The following PSEN1 variants were observed in gnomAD, a reference collection of about 807,000 sequenced individuals.
PSEN1 encodes the protein presenilin 1.
In PSEN1, 15 loss-of-function variants were observed where a neutral mutation model predicts 53.5. That is an observed-to-expected ratio of 0.28 (90% confidence interval 0.19 to 0.43). PSEN1 has a LOEUF of 0.43. Ranked by LOEUF, PSEN1 falls within the 20% of genes least tolerant of loss-of-function variation. PSEN1 has a pLI of 1.00. For synonymous variants in PSEN1, 208 were observed against 209.8 expected, an observed-to-expected ratio of 0.99 and a Z score of 0.08; for missense variants, 387 against 571.2, an observed-to-expected ratio of 0.68 and a Z score of 3.29.
chr14:73,197,859 C>T (rs1750575150), intron 7 of PSEN1, 172 bp from the exon 8 acceptor site: 1 of 604,776 alleles, frequency 1.7e-6, no homozygotes, highest in Non-Finnish European at 2.9e-6. Flanking sequence ...TGTTGTCTCC[C>T]CCACCCCCAC....
chr14:73,155,511 ATTT>A lies in PSEN1; in HGVS notation c.87+7413_87+7415del, dbSNP rs937014673. Among the ~76,000 whole-genome samples the A allele has an allele frequency of 3.3e-5, 5 of 149,674 alleles. No individual in the cohort carries two copies. The Admixed American group carries it at 3.3e-4, about 10-fold the overall frequency. ...GAATCAAATATATATTATCATTATT[ATTT>A]TTTTTTTGAGACAGGGTCTCCTTCT... On this transcript the variant is annotated intron_variant, in intron 3 of 11. Coordinates refer to ENST00000324501, the MANE Select transcript of PSEN1 (RefSeq NM_000021.4).
intron 3 of PSEN1, among the ~76,000 whole-genome samples, chr14:73,163,632 T>C (rs559455884): frequency 2.0e-5 from 3 of 152,258 alleles, no homozygotes; most frequent in African/African-American, 7.2e-5. Context: ...CAGATCAACG[T>C]AGAGAAAGGC....
In PSEN1 at chr14:73,144,035, C is replaced by CTTT. The variant is rs766901431; in HGVS notation, c.-135-3739_-135-3737dup. Among the ~76,000 whole-genome samples the CTTT allele has an allele frequency of 2.0e-4, 12 of 59,482 alleles. 1 individual carries two copies. The highest frequency in any genetic ancestry group is 8.1e-4 in the South Asian group (1 of 1,238). The allele number at this position is 59,482 out of a possible 152,430, so 39.0% of individuals were successfully genotyped here. ...AAAAAAGATTTGCATTATAGCTTAT[C>CTTT]TTTTTTTTTTTTTTTTTTTTTTTGA... On this transcript the variant is annotated intron_variant, in intron 1 of 11. Transcript: ENST00000324501.
intron 8 of PSEN1, 31 bp downstream of exon 8, chr14:73,198,160 A>G (rs199959407): frequency 3.9e-6 from 5 of 1,266,466 alleles, no homozygotes; most frequent in Admixed American, 1.7e-5. Flanking sequence ...TTGAATTAGT[A>G]ATCAGTGTAG....
At chr14:73,204,322 G>A (rs1385904940) in intron 8 of PSEN1, among the ~76,000 whole-genome samples, 2 of 147,072 alleles carry the variant, frequency 1.4e-5, no homozygotes, top group Non-Finnish European at 3.0e-5. Context: ...TAATTTAAAC[G>A]AAATCTGCTT....
chr14:73,180,445 G>A lies in PSEN1; in HGVS notation c.481-6408G>A, dbSNP rs534307684. Among the ~76,000 whole-genome samples, 19 of 152,232 alleles carry A rather than the reference G, an allele frequency of 1.2e-4. No individual in the cohort carries two copies. In the South Asian group the frequency reaches 3.9e-3, roughly 32 times the overall value. On this transcript the variant is annotated intron_variant, in intron 5 of 11. Coordinates refer to ENST00000324501, the MANE Select transcript of PSEN1 (RefSeq NM_000021.4). ...ACTTTGACACCCAGTATAACTAAAA[G>A]GATCTTTTGAGTCAGAGATTGAGTA...
In PSEN1 at chr14:73,217,741, C is replaced by T. The variant is rs373248333; in HGVS notation, c.1248+497C>T. 4.0e-4 allele frequency among the ~76,000 whole-genome samples: 60 copies of T among 151,526 alleles called. 1 individual carries two copies. Among genetic ancestry groups the T allele is most frequent in the African/African-American group, 1.1e-3 (44 of 41,302 alleles). On this transcript the variant is annotated intron_variant, in intron 11 of 11. Transcript: ENST00000324501. ...GGAGCTGGTGCCATGCATGACCCCA[C>T]ATAGATCTTGCTGATAGTGCTACAG... is the stretch of plus-strand genomic sequence containing the variant.
At chr14:73,211,649 G>A in intron 9 of PSEN1, 120 bp from the exon 10 acceptor site, 1 of 1,030,656 alleles carries the variant, frequency 9.7e-7, no homozygotes, top group Non-Finnish European at 1.5e-6. Flanking sequence ...TACAGCCCAT[G>A]CTTTGTGGTT....
At chr14:73,183,505 G>A (rs933216402) in intron 5 of PSEN1, among the ~76,000 whole-genome samples, 3 of 152,038 alleles carry the variant, frequency 2.0e-5, no homozygotes, top group African/African-American at 4.8e-5. Context: ...GACTCTTAAC[G>A]AGCATGCTGC....
intron 1 of PSEN1, among the ~76,000 whole-genome samples, chr14:73,140,297 G>A (rs1324496711): frequency 6.9e-5 from 9 of 129,736 alleles, no homozygotes; most frequent in African/African-American, 2.0e-4. Flanking sequence ...TGCAACGTCC[G>A]CCTCCCAGGT....
At chr14:73,211,664 G>T in intron 9 of PSEN1, 105 bp from the exon 10 acceptor site, 1 of 1,250,952 alleles carries the variant, frequency 8.0e-7, no homozygotes, top group Non-Finnish European at 1.2e-6. Flanking sequence ...GTGGTTTAAG[G>T]GCCAGCTAGT....
At chr14:73,192,928 C>T in intron 7 of PSEN1, 64 bp downstream of exon 7, 1 of 1,244,468 alleles carries the variant, frequency 8.0e-7, no homozygotes, top group Non-Finnish European at 1.2e-6. Flanking sequence ...TTTCTTTCCT[C>T]ATCTCTTTAT....
intron 1 of PSEN1, among the ~76,000 whole-genome samples, chr14:73,137,533 G>T (rs543854037): frequency 6.6e-6 from 1 of 152,300 alleles, no homozygotes; most frequent in South Asian, 2.1e-4. Context: ...TGTTGGAGCA[G>T]TGGAGAAGTC....
intron 3 of PSEN1, among the ~76,000 whole-genome samples, chr14:73,154,249 T>C (rs1897299702): frequency 6.6e-6 from 1 of 152,070 alleles, no homozygotes; most frequent in African/African-American, 2.4e-5. Flanking sequence ...AAAAATAAGT[T>C]TCTGTTTTCT....
chr14:73,148,003 T>C lies in PSEN1; in HGVS notation c.-17T>C, dbSNP rs772984560. The C allele has an allele frequency of 1.9e-6, 3 of 1,594,264 alleles. No individual in the cohort carries two copies. In the South Asian group the frequency reaches 3.3e-5, roughly 18 times the overall value. On this transcript the variant is annotated 5_prime_UTR_variant, in exon 3 of 12. Coordinates refer to ENST00000324501, the MANE Select transcript of PSEN1 (RefSeq NM_000021.4). ...GCTTTGTTTTCTGTGAAACAGTATT[T>C]CTATACAGTTGCTCCAATGACAGAG...
chr14:73,164,260 C>A (rs984040749), intron 3 of PSEN1, among the ~76,000 whole-genome samples: 1 of 152,102 alleles, frequency 6.6e-6, no homozygotes, highest in Non-Finnish European at 1.5e-5. Flanking sequence ...GAATAGAGTT[C>A]TAGGAGAGGT....
chr14:73,155,521 T>G (rs1188116177), intron 3 of PSEN1, among the ~76,000 whole-genome samples: 1 of 152,128 alleles, frequency 6.6e-6, no homozygotes, highest in Non-Finnish European at 1.5e-5. Context: ...ATTTTTTTTT[T>G]GAGACAGGGT....
chr14:73,175,251 C>T (rs932432022), intron 5 of PSEN1, among the ~76,000 whole-genome samples: 10 of 152,136 alleles, frequency 6.6e-5, no homozygotes, highest in Non-Finnish European at 1.3e-4. Context: ...CTCAGCCCCC[C>T]GAGTAGCTGG....
intron 3 of PSEN1, among the ~76,000 whole-genome samples, chr14:73,165,858 C>T (rs1161798077): frequency 6.6e-6 from 1 of 151,840 alleles, no homozygotes; most frequent in Non-Finnish European, 1.5e-5. Context: ...GAGTTCGAGA[C>T]CAGCCTGGCC....
Sources: allele counts gnomAD v4.1 joint callset (sites outside exome capture counted in the v4.1 genomes callset), GRCh38; gene constraint gnomAD v4.1.1; transcripts MANE v1.5; gene names NCBI Gene and HGNC (gene_info 2026-07-23, HGNC 2026-07-21).